The following MUSK variants were observed in gnomAD, a reference collection of about 807,000 sequenced individuals.
MUSK encodes muscle associated receptor tyrosine kinase.
Under a neutral mutation model 88.7 loss-of-function variants are expected in MUSK, and 55 were observed. The ratio of observed to expected loss-of-function variants is 0.62; its 90% CI spans 0.50 to 0.78. The LOEUF (loss-of-function observed/expected upper bound fraction) is 0.78. Among genes scored for constraint, MUSK ranks in the 30% least tolerant of loss-of-function variants. The pLI, the probability that MUSK is intolerant of heterozygous loss-of-function variation, is 0.00. For missense variants in MUSK, 1,015 were observed against 1,074.3 expected, an observed-to-expected ratio of 0.94 and a Z score of 0.77; for synonymous variants, 387 against 391.9, an observed-to-expected ratio of 0.99 and a Z score of 0.15.
chr9:110,701,984 C>A (rs2076534164), intron 5 of MUSK, among the ~76,000 whole-genome samples: 3 of 148,536 alleles, frequency 2.0e-5, no homozygotes, highest in Admixed American at 7.0e-5. Context: ...CTCAAGCAAT[C>A]CTCCAGCCTT....
At position 110,785,738 on chromosome 9, in the gene MUSK, A is replaced by G. The variant is rs773113428; in HGVS notation, c.1778+20A>G. The G allele has an allele frequency of 4.4e-6, 7 of 1,574,154 alleles. No individual in the cohort carries two copies. The highest frequency in any genetic ancestry group is 1.4e-5 in the African/African-American group (1 of 73,514). ...AGCAAGGTAAAGTTACCTATGGAAA[A>G]AAAAACTCCATTGAAATATGTTATG... On this transcript the variant is annotated intron_variant, in intron 13 of 14. Coordinates refer to ENST00000374448, the MANE Select transcript of MUSK (RefSeq NM_005592.4).
intron 7 of MUSK, among the ~76,000 whole-genome samples, chr9:110,748,630 G>A (rs1373089768): frequency 6.6e-6 from 1 of 151,976 alleles, no homozygotes; most frequent in Non-Finnish European, 1.5e-5. Context: ...CAAGGGTCAG[G>A]AGAGAGGTGC....
chr9:110,757,400 A>G (rs1459223189), intron 7 of MUSK, among the ~76,000 whole-genome samples: 1 of 151,680 alleles, frequency 6.6e-6, no homozygotes, highest in Non-Finnish European at 1.5e-5. Flanking sequence ...CAAAGGTTAC[A>G]GTGAGCCAAG....
chr9:110,767,949 A>G lies in MUSK; in HGVS notation c.1050A>G (p.Leu350=). ...CGGACCCTGAGGAGGCCCAAGAGCT[A>G]CTGGTCCACACGGCCTGGAATGAAC... ...SYADPEEAQE[L]LVHTAWNELK... Residue 350 remains leucine (L), a synonymous_variant, in exon 9 of 15, where the codon CTA becomes CTG. Transcript: ENST00000374448. 1 of 1,613,954 alleles carries G rather than the reference A, an allele frequency of 6.2e-7. No homozygotes were observed. Among genetic ancestry groups the G allele is most frequent in the East Asian group, 2.2e-5 (1 of 44,874 alleles).
intron 1 of MUSK, among the ~76,000 whole-genome samples, chr9:110,679,123 T>C (rs1410032653): frequency 6.6e-6 from 1 of 152,106 alleles, no homozygotes; most frequent in Admixed American, 6.5e-5. Flanking sequence ...ATTTTGATGT[T>C]TATATCTTCT....
intron 1 of MUSK, among the ~76,000 whole-genome samples, chr9:110,669,506 C>G (rs2075929826): frequency 6.6e-6 from 1 of 152,140 alleles, no homozygotes; most frequent in South Asian, 2.1e-4. Flanking sequence ...GCCTGTGTAA[C>G]AAACCCGGAA....
At chr9:110,754,449 G>A (rs1157468317) in intron 7 of MUSK, among the ~76,000 whole-genome samples, 1 of 152,158 alleles carries the variant, frequency 6.6e-6, no homozygotes, top group Non-Finnish European at 1.5e-5. Context: ...ATAGTTGCAA[G>A]GTTCTTGGAC....
intron 1 of MUSK, among the ~76,000 whole-genome samples, chr9:110,681,318 T>A (rs2076134396): frequency 6.7e-6 from 1 of 148,810 alleles, no homozygotes; most frequent in South Asian, 2.1e-4. Flanking sequence ...ATGTTTCAAC[T>A]TTTTTATTTA....
chr9:110,741,585 T>C (rs1036984892), intron 6 of MUSK, among the ~76,000 whole-genome samples: 1 of 152,248 alleles, frequency 6.6e-6, no homozygotes, highest in Non-Finnish European at 1.5e-5. Context: ...GAATGTCTTA[T>C]GGCAATGGCA....
intron 6 of MUSK, among the ~76,000 whole-genome samples, chr9:110,735,109 G>A (rs1483773322): frequency 6.6e-6 from 1 of 152,072 alleles, no homozygotes; most frequent in Non-Finnish European, 1.5e-5. Flanking sequence ...CACTGTTCAT[G>A]GGAATGGGAA....
chr9:110,720,224 G>T (rs1323927853), intron 5 of MUSK, among the ~76,000 whole-genome samples: 3 of 151,252 alleles, frequency 2.0e-5, no homozygotes, highest in African/African-American at 7.3e-5. Context: ...TGCAGAAGAA[G>T]AAAAGAAATA....
chr9:110,708,159 T>C (rs1349744377), intron 5 of MUSK, among the ~76,000 whole-genome samples: 2 of 152,060 alleles, frequency 1.3e-5, no homozygotes, highest in Non-Finnish European at 1.5e-5. Flanking sequence ...GAAGCAGATG[T>C]CAATAGACAT....
Position 110,668,883 on chromosome 9 carries a change from C to T in MUSK, c.-22C>T, listed in dbSNP as rs1455486746. Reference sequence around the variant, plus strand: ...TTGCGTTGTCCAGAAGGAACTTCGTCCTGCGTGAGCCTGGATTAATCATGA... The same window carrying T: ...TTGCGTTGTCCAGAAGGAACTTCGTTCTGCGTGAGCCTGGATTAATCATGA... On this transcript the variant is annotated 5_prime_UTR_variant, in exon 1 of 15. Coordinates refer to ENST00000374448, the MANE Select transcript of MUSK (RefSeq NM_005592.4). 6.2e-6 allele frequency: 10 copies of T among 1,602,502 alleles called. No homozygotes were observed. The highest frequency in any genetic ancestry group is 8.5e-6 in the Non-Finnish European group (10 of 1,169,654).
chr9:110,757,522 T>G (rs970973762), intron 7 of MUSK, among the ~76,000 whole-genome samples: 4 of 152,010 alleles, frequency 2.6e-5, no homozygotes, highest in African/African-American at 9.7e-5. Flanking sequence ...TGAGTATTTA[T>G]GACTAATTTT....
chr9:110,741,012 G>C (rs1296804215), intron 6 of MUSK, among the ~76,000 whole-genome samples: 3 of 152,070 alleles, frequency 2.0e-5, no homozygotes, highest in Admixed American at 2.0e-4. Context: ...TCATCAAAGG[G>C]TACAAAGTTT....
In MUSK at chr9:110,682,909, T is replaced by A. The variant is rs984419109; in HGVS notation, c.206+109T>A. The A allele has an allele frequency of 8.2e-6, 6 of 732,078 alleles. No homozygotes were observed. In the African/African-American group the frequency reaches 1.1e-4, roughly 13 times the overall value. The allele number at this position is 732,078 out of a possible 1,614,324, so 45.3% of individuals were successfully genotyped here. ...GAGATGTTTTGATACAGGCATGCAA[T>A]GTAAAATAAGTACCTCATGGAGAAT... On this transcript the variant is annotated intron_variant, in intron 2 of 14. Coordinates refer to ENST00000374448, the MANE Select transcript of MUSK (RefSeq NM_005592.4).
chr9:110,784,818 T>C lies in MUSK; in HGVS notation c.1388T>C (p.Phe463Ser). ...AATAATTATTCTTTACTTACAGCAT[T>C]CCCACCAATGACGTCCTCAAAGCCA... ...LDYNKENLKTFPPMTSSKPSV... is the reference protein window; with the variant it reads ...LDYNKENLKTSPPMTSSKPSV... The change falls in exon 12 of 15, where the codon TTC (phenylalanine) becomes TCC (serine). Residue 463 changes from phenylalanine to serine, a missense_variant. Physicochemically the swap from Phe to Ser is radical, Grantham distance 155. Transcript: ENST00000374448. The C allele has an allele frequency of 6.2e-7, 1 of 1,606,582 alleles. No individual in the cohort carries two copies. The highest frequency in any genetic ancestry group is 8.5e-7 in the Non-Finnish European group (1 of 1,176,006).
At chr9:110,797,288 C>G (rs1033943562) in intron 14 of MUSK, among the ~76,000 whole-genome samples, 1 of 119,000 alleles carries the variant, frequency 8.4e-6, no homozygotes, top group African/African-American at 2.9e-5. Flanking sequence ...AAAAAACAAA[C>G]AAACAAAAAA....
At chr9:110,749,357 C>T (rs564282309) in intron 7 of MUSK, among the ~76,000 whole-genome samples, 1 of 152,078 alleles carries the variant, frequency 6.6e-6, no homozygotes, top group Non-Finnish European at 1.5e-5. Context: ...AAAGAGGTAT[C>T]ATTGGAGCAG....
Sources: allele counts gnomAD v4.1 joint callset (sites outside exome capture counted in the v4.1 genomes callset), GRCh38; gene constraint gnomAD v4.1.1; transcripts MANE v1.5; gene names NCBI Gene and HGNC (gene_info 2026-07-23, HGNC 2026-07-21).